Variants in NLGN1 observed in about 807,000 individuals in gnomAD.
The protein encoded by NLGN1 is neuroligin-1.
NLGN1 carries 12 observed loss-of-function variants against 65.5 expected under a neutral mutation model. The ratio of observed to expected loss-of-function variants is 0.18; its 90% CI spans 0.12 to 0.30. The LOEUF (loss-of-function observed/expected upper bound fraction) is 0.30. Ranked by LOEUF, NLGN1 falls within the 10% of genes least tolerant of loss-of-function variation. The probability of loss-of-function intolerance (pLI) is 1.00; values close to 1 mark genes in which losing one functional copy is unlikely to be tolerated. For missense variants in NLGN1, 750 were observed against 1,007.1 expected, an observed-to-expected ratio of 0.74 and a Z score of 3.46; for synonymous variants, 350 against 359.5, an observed-to-expected ratio of 0.97 and a Z score of 0.30.
chr3:173,805,007 C>T (rs1338886591), intron 3 of NLGN1, among the ~76,000 whole-genome samples: 1 of 151,996 alleles, frequency 6.6e-6, no homozygotes, highest in Non-Finnish European at 1.5e-5. Flanking sequence ...GCCTGGGTGA[C>T]GAGAGTGAAA....
chr3:173,816,309 A>G (rs1578586554), intron 4 of NLGN1, among the ~76,000 whole-genome samples: 1 of 152,172 alleles, frequency 6.6e-6, no homozygotes, highest in East Asian at 1.9e-4. Context: ...TCTATGAGGT[A>G]GCATTGTTAG....
At chr3:173,616,276 G>A (rs1029515416) in intron 3 of NLGN1, among the ~76,000 whole-genome samples, 2 of 152,004 alleles carry the variant, frequency 1.3e-5, no homozygotes, top group Non-Finnish European at 2.9e-5. Flanking sequence ...ATGGATATCA[G>A]TTGTCTCTTC....
chr3:174,266,036 A>G (rs1286427094), intron 4 of NLGN1, among the ~76,000 whole-genome samples: 1 of 130,924 alleles, frequency 7.6e-6, no homozygotes, highest in Admixed American at 7.8e-5. Flanking sequence ...GTGTGTGTAT[A>G]TATATATATA....
chr3:174,212,432 T>G (rs1159207399), intron 4 of NLGN1, among the ~76,000 whole-genome samples: 1 of 152,130 alleles, frequency 6.6e-6, no homozygotes, highest in Non-Finnish European at 1.5e-5. Context: ...AGTGCAGTGG[T>G]GGGCTGAAGG....
intron 2 of NLGN1, among the ~76,000 whole-genome samples, chr3:173,583,065 T>C (rs928389100): frequency 2.0e-5 from 3 of 152,224 alleles, no homozygotes; most frequent in African/African-American, 7.2e-5. Context: ...TTCTGGACTT[T>C]CTATTCTGTT....
intron 4 of NLGN1, among the ~76,000 whole-genome samples, chr3:174,047,080 A>G (rs996084415): frequency 6.6e-6 from 1 of 151,986 alleles, no homozygotes; most frequent in Admixed American, 6.6e-5. Flanking sequence ...CTCTGCCTTA[A>G]GTTGCTATGT....
chr3:173,592,485 C>T (rs6772072), intron 2 of NLGN1, among the ~76,000 whole-genome samples: 8,915 of 152,188 alleles, frequency 0.059, 302 homozygotes, highest in African/African-American at 0.089. Context: ...TGCCAGTCTA[C>T]ATGGATATCT....
chr3:173,765,512 A>G (rs1778654290), intron 3 of NLGN1, among the ~76,000 whole-genome samples: 1 of 152,134 alleles, frequency 6.6e-6, no homozygotes, highest in Non-Finnish European at 1.5e-5. Flanking sequence ...TTGAAATTTC[A>G]ATTTTTCCTC....
intron 2 of NLGN1, among the ~76,000 whole-genome samples, chr3:173,593,349 C>CT (rs1387802184): frequency 6.6e-6 from 1 of 152,268 alleles, no homozygotes; most frequent in South Asian, 2.1e-4. Flanking sequence ...CCAATAGTTA[C>CT]TTTTTTGTCT....
chr3:173,625,489 T>A (rs116112058), intron 3 of NLGN1, among the ~76,000 whole-genome samples: 2,143 of 152,214 alleles, frequency 0.014, 54 homozygotes, highest in African/African-American at 0.049. Flanking sequence ...TTTGCACTTT[T>A]CCAAATAATT....
chr3:174,105,100 T>C (rs1713420934), intron 4 of NLGN1, among the ~76,000 whole-genome samples: 2 of 152,016 alleles, frequency 1.3e-5, no homozygotes, highest in Non-Finnish European at 2.9e-5. Flanking sequence ...TAATATATGC[T>C]TGTGTTTTGG....
In NLGN1 at chr3:174,007,286, G is replaced by C. The variant is rs75704974; in HGVS notation, c.646+199454G>C. ...CATTTTTTGTTGCTTAAGCCATCCA[G>C]TCTGTGCTGTGGTATGTTTTTATGG... On this transcript the variant is annotated intron_variant, in intron 4 of 6. Coordinates refer to ENST00000457714, the Ensembl canonical transcript of NLGN1. Among the ~76,000 whole-genome samples the C allele has an allele frequency of 6.6e-3, 1,003 of 152,302 alleles. 10 individuals are homozygous for C. The highest frequency in any genetic ancestry group is 0.023 in the African/African-American group (962 of 41,580).
intron 2 of NLGN1, among the ~76,000 whole-genome samples, chr3:173,447,987 T>C (rs768332053): frequency 3.7e-4 from 57 of 152,198 alleles, no homozygotes; most frequent in Non-Finnish European, 7.8e-4. Context: ...TTTCCAGATA[T>C]ACAATCATGT....
At chr3:173,881,431 T>C (rs1448132290) in intron 4 of NLGN1, among the ~76,000 whole-genome samples, 4 of 139,818 alleles carry the variant, frequency 2.9e-5, no homozygotes, top group Non-Finnish European at 6.2e-5. Flanking sequence ...TTTTTTTTTT[T>C]TTTTTTTTTT....
At chr3:174,077,001 C>A (rs1553927911) in intron 4 of NLGN1, among the ~76,000 whole-genome samples, 1 of 152,040 alleles carries the variant, frequency 6.6e-6, no homozygotes, top group African/African-American at 2.4e-5. Context: ...AGCTTGTGAA[C>A]AATTAACATA....
chr3:173,482,634 A>C (rs1032247299), intron 2 of NLGN1, among the ~76,000 whole-genome samples: 1 of 152,002 alleles, frequency 6.6e-6, no homozygotes, highest in African/African-American at 2.4e-5. Flanking sequence ...AGGCTATTTT[A>C]GATACAGTGG....
chr3:173,404,854 G>A (rs2148620429), intron 1 of NLGN1, among the ~76,000 whole-genome samples: 1 of 152,188 alleles, frequency 6.6e-6, no homozygotes, highest in African/African-American at 2.4e-5. Context: ...AAACCAAGGA[G>A]CACTGATTCT....
Position 173,700,447 on chromosome 3 carries a change from C to T in NLGN1, c.493+95356C>T, listed in dbSNP as rs187613233. On this transcript the variant is annotated intron_variant, in intron 3 of 6. Transcript: ENST00000457714. Reference sequence around the variant, plus strand: ...TGTAATGTACTTTGTACTCTACAGGCAGAAACAAATAAATTCCATCATTAA... The same window carrying T: ...TGTAATGTACTTTGTACTCTACAGGTAGAAACAAATAAATTCCATCATTAA... Among the ~76,000 whole-genome samples, 109 of 152,294 alleles carry T rather than the reference C, an allele frequency of 7.2e-4. 1 individual carries two copies. The highest frequency in any genetic ancestry group is 5.9e-3 in the Admixed American group (90 of 15,304).
intron 3 of NLGN1, among the ~76,000 whole-genome samples, chr3:173,764,194 C>T (rs182260131): frequency 1.0e-3 from 154 of 152,234 alleles, no homozygotes; most frequent in African/African-American, 3.6e-3. Context: ...AAAGACTAGA[C>T]TGCAGTAGAG....
Sources: allele counts gnomAD v4.1 joint callset (sites outside exome capture counted in the v4.1 genomes callset), GRCh38; gene constraint gnomAD v4.1.1; transcripts MANE v1.5; gene names NCBI Gene and HGNC (gene_info 2026-07-23, HGNC 2026-07-21).